COL27A1: variants seen among roughly 807,000 people sequenced by gnomAD.
COL27A1 encodes the protein collagen type XXVII alpha 1 chain, also known as collagen alpha-1(XXVII) chain.
In COL27A1, 106 loss-of-function variants were observed where a neutral mutation model predicts 251.3. The observed-to-expected ratio is 0.42, with a 90% confidence interval of 0.36 to 0.50. COL27A1 has a LOEUF of 0.50. COL27A1 is among the 20% of genes least tolerant of loss of function. The pLI, the probability that COL27A1 is intolerant of heterozygous loss-of-function variation, is 0.00. For synonymous variants in COL27A1, 1,000 were observed against 986.3 expected, an observed-to-expected ratio of 1.01 and a Z score of -0.26; for missense variants, 2,325 against 2,522.8, an observed-to-expected ratio of 0.92 and a Z score of 1.68.
rs902571893 is a variant in COL27A1, at chr9:114,250,648, C to G, written c.3013C>G (p.Pro1005Ala). Residue 1005 changes from proline to alanine, a missense_variant, in exon 25 of 61, where the codon CCA becomes GCA. By Grantham distance (27) the Pro-to-Ala change is conservative (BLOSUM62 -1). This residue lies in a region of COL27A1 where 662 missense variants were observed against 795.3 expected (regional missense o/e 0.83). Coordinates refer to ENST00000356083, the MANE Select transcript of COL27A1 (RefSeq NM_032888.4). ...FMGFIGLVGE[P>A]GIVGEKGDRG... ...GGGATTCATTGGTCTGGTCGGGGAGCCAGGAATCGTGGGAGAAAAGGTAAG... is the reference window on the plus strand; with the variant it reads ...GGGATTCATTGGTCTGGTCGGGGAGGCAGGAATCGTGGGAGAAAAGGTAAG... 6.2e-7 allele frequency: 1 copy of G among 1,611,826 alleles called. No homozygotes were observed. Among genetic ancestry groups the G allele is most frequent in the Non-Finnish European group, 8.5e-7 (1 of 1,178,226 alleles).
chr9:114,301,505 C>T (rs199654898), intron 54 of COL27A1, 43 bp downstream of exon 54: 137 of 627,228 alleles, frequency 2.2e-4, no homozygotes, highest in Non-Finnish European at 2.8e-4. Flanking sequence ...GGGCGTGGGG[C>T]GGGCACCCTG....
intron 7 of COL27A1, among the ~76,000 whole-genome samples, chr9:114,197,012 G>T (rs1470845706): frequency 6.6e-6 from 1 of 152,190 alleles, no homozygotes; most frequent in Non-Finnish European, 1.5e-5. Context: ...TGCAAATCTG[G>T]TTTATTGCTC....
At chr9:114,220,663 ATCTCAGTT>A (rs1831032032) in intron 13 of COL27A1, among the ~76,000 whole-genome samples, 1 of 152,086 alleles carries the variant, frequency 6.6e-6, no homozygotes, top group African/African-American at 2.4e-5. Flanking sequence ...ACCTCCCTGA[ATCTCAGTT>A]TCCTTGTCTG....
chr9:114,258,679 C>T, intron 28 of COL27A1, 85 bp downstream of exon 28: 5 of 1,391,288 alleles, frequency 3.6e-6, no homozygotes, highest in Non-Finnish European at 5.0e-6. Context: ...ACTGCCTGGG[C>T]TTTGCCCCTA....
intron 41 of COL27A1, among the ~76,000 whole-genome samples, chr9:114,285,281 C>T (rs1240969876): frequency 6.6e-6 from 1 of 152,128 alleles, no homozygotes; most frequent in Non-Finnish European, 1.5e-5. Flanking sequence ...CGCCTTGGCT[C>T]AAGATTCAGT....
chr9:114,264,377 C>T lies in COL27A1; in HGVS notation c.3218C>T (p.Pro1073Leu). The T allele has an allele frequency of 6.3e-7, 1 of 1,597,888 alleles. No individual in the cohort carries two copies. The highest frequency in any genetic ancestry group is 8.5e-7 in the Non-Finnish European group (1 of 1,171,622). Reference protein sequence around the residue: ...GRRGPRGPDGPAGEQGSRGLK... With the variant: ...GRRGPRGPDGLAGEQGSRGLK... ...CAGGGCCCCCGAGGACCGGACGGACCAGCTGGGGAGCAAGGGTCCAGGGGC... is the reference window on the plus strand; with the variant it reads ...CAGGGCCCCCGAGGACCGGACGGACTAGCTGGGGAGCAAGGGTCCAGGGGC... Residue 1073 changes from proline (P) to leucine (L), a missense_variant, in exon 29 of 61, where the codon CCA (proline) becomes CTA (leucine). Around this residue, in one of 4 missense-constraint regions of COL27A1, gnomAD observed 662 missense variants for 795.3 expected, o/e 0.83. Transcript: ENST00000356083.
intron 4 of COL27A1, among the ~76,000 whole-genome samples, chr9:114,179,068 T>A (rs1206519170): frequency 6.6e-6 from 1 of 152,136 alleles, no homozygotes; most frequent in African/African-American, 2.4e-5. Context: ...CCTACCTGCT[T>A]CCCTTAGAGG....
At chr9:114,263,220 AGCCACTGTGCCCAGCCTTCC>A (rs1449460513) in intron 28 of COL27A1, among the ~76,000 whole-genome samples, 14 of 152,228 alleles carry the variant, frequency 9.2e-5, no homozygotes, top group Middle Eastern at 3.4e-3. Flanking sequence ...TACAGGCGTG[AGCCACTGTGCCCAGCCTTCC>A]GCCACTGTGC....
chr9:114,259,995 T>TGGG (rs56029388), intron 28 of COL27A1, among the ~76,000 whole-genome samples: 2 of 131,498 alleles, frequency 1.5e-5, no homozygotes, highest in African/African-American at 2.8e-5. Flanking sequence ...GTCCTCTGGG[T>TGGG]GGGGGGGGGG....
chr9:114,303,142 G>A (rs1218770634), intron 56 of COL27A1, among the ~76,000 whole-genome samples: 2 of 152,008 alleles, frequency 1.3e-5, no homozygotes, highest in Admixed American at 6.6e-5. Flanking sequence ...AAAATTAGAG[G>A]ATTTTGCATT....
chr9:114,246,156 A>G lies in COL27A1; in HGVS notation c.2979+246A>G, dbSNP rs73656026. 6.0e-3 allele frequency: 2,689 copies of G among 451,770 alleles called. 64 individuals carry two copies. Among genetic ancestry groups the G allele is most frequent in the African/African-American group, 0.051 (2,449 of 48,388 alleles). The allele number at this position is 451,770 out of a possible 1,614,324, so 28.0% of individuals were successfully genotyped here. A position where few individuals can be genotyped will look rare whatever the true frequency, so the allele number is the denominator to read the frequency against. On this transcript the variant is annotated intron_variant, in intron 24 of 60. Coordinates refer to ENST00000356083, the MANE Select transcript of COL27A1 (RefSeq NM_032888.4). ...TTCCCCACAGCCTGACTCTACACAC[A>G]GGTTTTTGGTGCATTTGCCCAAAGA...
At chr9:114,278,988 G>A (rs1349837192) in intron 37 of COL27A1, among the ~76,000 whole-genome samples, 1 of 152,144 alleles carries the variant, frequency 6.6e-6, no homozygotes, top group East Asian at 1.9e-4. Context: ...CTCTCGGCTG[G>A]AGAGGGCACG....
intron 12 of COL27A1, among the ~76,000 whole-genome samples, chr9:114,213,859 C>T (rs551543628): frequency 1.3e-5 from 2 of 152,272 alleles, no homozygotes; most frequent in East Asian, 3.9e-4. Flanking sequence ...TTGCTTCTTG[C>T]CTTTAACTTT....
intron 5 of COL27A1, among the ~76,000 whole-genome samples, chr9:114,187,805 T>C (rs1277008565): frequency 6.6e-6 from 1 of 151,736 alleles, no homozygotes; most frequent in Non-Finnish European, 1.5e-5. Flanking sequence ...ACTCCATTAG[T>C]AAAAAAAAAT....
chr9:114,203,338 C>T (rs1055163651), intron 7 of COL27A1, among the ~76,000 whole-genome samples: 18 of 152,184 alleles, frequency 1.2e-4, no homozygotes, highest in African/African-American at 3.9e-4. Context: ...ATGCCAAATA[C>T]TGCGCTTTAC....
At chr9:114,283,671 C>A in intron 39 of COL27A1, 38 bp from the exon 40 acceptor site, 2 of 1,599,948 alleles carry the variant, frequency 1.3e-6, no homozygotes, top group Non-Finnish European at 1.7e-6. Context: ...GCTGTGAGAG[C>A]CACACTCCAT....
intron 49 of COL27A1, among the ~76,000 whole-genome samples, chr9:114,299,205 G>C (rs1338931476): frequency 3.9e-5 from 6 of 152,212 alleles, no homozygotes; most frequent in African/African-American, 1.4e-4. Context: ...CCTTGGGAGG[G>C]AGATGACGTA....
At chr9:114,299,499 T>C (rs1828469997) in intron 49 of COL27A1, among the ~76,000 whole-genome samples, 1 of 152,242 alleles carries the variant, frequency 6.6e-6, no homozygotes, top group Non-Finnish European at 1.5e-5. Context: ...GTTCCTGGAA[T>C]CGTTCACACT....
chr9:114,301,960 G>GA, intron 55 of COL27A1, 122 bp from the exon 56 acceptor site: 3 of 1,080,720 alleles, frequency 2.8e-6, no homozygotes, highest in Non-Finnish European at 4.2e-6. Context: ...AAGCCTCCGG[G>GA]AAAGCAGAGG....
Sources: allele counts gnomAD v4.1 joint callset (sites outside exome capture counted in the v4.1 genomes callset), GRCh38; gene constraint gnomAD v4.1.1; regional missense constraint gnomAD v4.1.1; transcripts MANE v1.5; gene names NCBI Gene and HGNC (gene_info 2026-07-23, HGNC 2026-07-21).